The following KCNMA1 variants were observed in gnomAD, a reference collection of about 807,000 sequenced individuals.
The protein encoded by KCNMA1 is potassium calcium-activated channel subfamily M alpha 1.
In KCNMA1, 29 loss-of-function variants were observed where a neutral mutation model predicts 140.0. That is an observed-to-expected ratio of 0.21 (90% CI 0.15 to 0.28). The LOEUF (loss-of-function observed/expected upper bound fraction) is 0.28. KCNMA1 is among the 10% of genes least tolerant of loss of function. The probability of loss-of-function intolerance (pLI) is 1.00; values close to 1 mark genes in which losing one functional copy is unlikely to be tolerated. For synonymous variants in KCNMA1, 612 were observed against 611.9 expected (o/e 1.00, Z 0.00); for missense variants, 880 against 1,602.2 (o/e 0.55, Z 7.70).
chr10:77,454,135 CAAT>C (rs1201616548), intron 1 of KCNMA1, among the ~76,000 whole-genome samples: 1 of 152,182 alleles, frequency 6.6e-6, no homozygotes, highest in African/African-American at 2.4e-5. Context: ...GTAAAATTCA[CAAT>C]GTCTGGTATC....
chr10:77,070,415 G>T (rs1202010978), intron 14 of KCNMA1, among the ~76,000 whole-genome samples: 2 of 152,172 alleles, frequency 1.3e-5, no homozygotes, highest in African/African-American at 4.8e-5. Flanking sequence ...TTTAACAGGG[G>T]TTCTGCCGCA....
Position 77,574,811 on chromosome 10 carries a change from T to C in KCNMA1, c.378+62454A>G, listed in dbSNP as rs548094838. On this transcript the variant is annotated intron_variant, in intron 1 of 27. Transcript: ENST00000286628. ...CACCCAACACACTGTAAGTGCCATATAATTTTGCCTCTAAGACAAGACTAT... is the reference window on the plus strand; with the variant it reads ...CACCCAACACACTGTAAGTGCCATACAATTTTGCCTCTAAGACAAGACTAT... Among the ~76,000 whole-genome samples the C allele has an allele frequency of 7.9e-5, 12 of 152,372 alleles. No individual in the cohort carries two copies. The South Asian group carries it at 1.2e-3, about 16-fold the overall frequency.
intron 14 of KCNMA1, chr10:77,063,882 G>T: frequency 2.0e-6 from 2 of 985,418 alleles, no homozygotes; most frequent in Non-Finnish European, 2.4e-6. Context: ...AAAGAGCTCA[G>T]ACTGATGCTT....
At chr10:76,884,729 C>A (rs745326337), downstream of KCNMA1, 2 of 466,820 alleles carry the variant, frequency 4.3e-6, no homozygotes, top group African/African-American at 2.1e-5. Context: ...AGCCTCATTG[C>A]GCTGAGCAAT....
At chr10:77,523,078 T>C (rs1027498002) in intron 1 of KCNMA1, among the ~76,000 whole-genome samples, 1 of 152,016 alleles carries the variant, frequency 6.6e-6, no homozygotes, top group Non-Finnish European at 1.5e-5. Context: ...CTGAACTCTC[T>C]CATGCTCTTC....
At chr10:77,058,437 G>C (rs2095622318) in intron 14 of KCNMA1, among the ~76,000 whole-genome samples, 1 of 152,008 alleles carries the variant, frequency 6.6e-6, no homozygotes, top group Non-Finnish European at 1.5e-5. Context: ...AGAACACTCT[G>C]CCCAACAATA....
In KCNMA1 at chr10:76,885,418, T is replaced by C. The variant is rs2036457275; in HGVS notation, c.*1848A>G. The C allele has an allele frequency of 1.0e-6, 1 of 985,068 alleles. No homozygotes were observed. Among genetic ancestry groups the C allele is most frequent in the Non-Finnish European group, 1.2e-6 (1 of 829,844 alleles). The allele number at this position is 985,068 out of a possible 1,614,324, so 61.0% of individuals were successfully genotyped here. ...TTTGAATACTACGCTGCCCCTGTCTTTGGTGTGGGGGAGGGTGGAGGTTCT... is the reference window on the plus strand; with the variant it reads ...TTTGAATACTACGCTGCCCCTGTCTCTGGTGTGGGGGAGGGTGGAGGTTCT... On this transcript the variant is annotated 3_prime_UTR_variant, in exon 28 of 28. Transcript: ENST00000286628.
intron 3 of KCNMA1, among the ~76,000 whole-genome samples, chr10:77,187,585 G>C (rs934753867): frequency 6.6e-6 from 1 of 152,214 alleles, no homozygotes; most frequent in East Asian, 1.9e-4. Context: ...TGCCGCTGGC[G>C]CGGGTGGCTT....
At chr10:77,577,330 G>A (rs1222584502) in intron 1 of KCNMA1, among the ~76,000 whole-genome samples, 1 of 151,826 alleles carries the variant, frequency 6.6e-6, no homozygotes, top group African/African-American at 2.4e-5. Context: ...TTGCAGGCGT[G>A]AGCCACCACG....
chr10:77,276,430 T>G (rs907814983), intron 2 of KCNMA1, among the ~76,000 whole-genome samples: 3 of 152,204 alleles, frequency 2.0e-5, no homozygotes, highest in African/African-American at 7.2e-5. Context: ...AAACACTCAT[T>G]GATCACAGAG....
chr10:77,115,353 T>G (rs1019535575), intron 6 of KCNMA1, among the ~76,000 whole-genome samples: 2 of 152,220 alleles, frequency 1.3e-5, no homozygotes, highest in Non-Finnish European at 2.9e-5. Flanking sequence ...GAGCCCTTAT[T>G]ATGTGTTAGA....
intron 1 of KCNMA1, among the ~76,000 whole-genome samples, chr10:77,513,527 A>G (rs1603631490): frequency 6.6e-6 from 1 of 152,236 alleles, no homozygotes; most frequent in Non-Finnish European, 1.5e-5. Flanking sequence ...AGAGCTTTGC[A>G]AACTGTAAAG....
chr10:77,564,712 G>C (rs1282753556), intron 1 of KCNMA1, among the ~76,000 whole-genome samples: 1 of 152,142 alleles, frequency 6.6e-6, no homozygotes, highest in South Asian at 2.1e-4. Context: ...TGGCATCTAG[G>C]TGAAAGAAAG....
chr10:77,626,968 C>A (rs1380426023), intron 1 of KCNMA1, among the ~76,000 whole-genome samples: 1 of 152,170 alleles, frequency 6.6e-6, no homozygotes, highest in Non-Finnish European at 1.5e-5. Context: ...TTGGTGTCAA[C>A]CTCTCCCTCT....
At chr10:77,532,790 T>A (rs1361851463) in intron 1 of KCNMA1, among the ~76,000 whole-genome samples, 2 of 152,114 alleles carry the variant, frequency 1.3e-5, no homozygotes, top group Non-Finnish European at 2.9e-5. Flanking sequence ...TGATAGTCAA[T>A]AGCAGAACCA....
At chr10:77,065,128 C>A (rs2095879796) in intron 14 of KCNMA1, among the ~76,000 whole-genome samples, 1 of 152,192 alleles carries the variant, frequency 6.6e-6, no homozygotes, top group Admixed American at 6.5e-5. Context: ...ACTCCACAAA[C>A]ACGTATTGAG....
intron 1 of KCNMA1, 26 bp downstream of exon 1, chr10:77,637,239 G>A (rs1259723137): frequency 3.8e-6 from 6 of 1,579,380 alleles, no homozygotes; most frequent in Non-Finnish European, 5.2e-6. Context: ...CTGGCGCAGA[G>A]GGCGGGCGCC....
At chr10:77,143,205 T>C (rs1421778554) in intron 5 of KCNMA1, among the ~76,000 whole-genome samples, 1 of 152,096 alleles carries the variant, frequency 6.6e-6, no homozygotes, top group South Asian at 2.1e-4. Context: ...CAGCAGTATA[T>C]AAAAAGAATA....
intron 1 of KCNMA1, among the ~76,000 whole-genome samples, chr10:77,596,780 G>A (rs912378667): frequency 1.1e-4 from 16 of 152,044 alleles, no homozygotes; most frequent in East Asian, 5.8e-4. Context: ...CTATTTTGAC[G>A]TCACAGCCAT....
Sources: allele counts gnomAD v4.1 joint callset (sites outside exome capture counted in the v4.1 genomes callset), GRCh38; gene constraint gnomAD v4.1.1; transcripts MANE v1.5; gene names NCBI Gene and HGNC (gene_info 2026-07-23, HGNC 2026-07-21).